Variants in SETD2 observed in about 807,000 individuals in gnomAD.
The protein encoded by SETD2 is SET domain containing 2, histone lysine methyltransferase.
In SETD2, 31 loss-of-function variants were observed where a neutral mutation model predicts 242.1. The ratio of observed to expected loss-of-function variants is 0.13; its 90% CI spans 0.10 to 0.17. The LOEUF is 0.17. Among genes scored for constraint, SETD2 ranks in the 10% least tolerant of loss-of-function variants. The pLI, the probability that SETD2 is intolerant of heterozygous loss-of-function variation, is 1.00. For synonymous variants in SETD2, 1,006 were observed against 1,066.5 expected (o/e 0.94, Z 1.11); for missense variants, 2,481 against 3,046.3 (o/e 0.81, Z 4.37).
intron 15 of SETD2, among the ~76,000 whole-genome samples, chr3:47,056,094 T>TTTTTTTTTA (rs1421586594): frequency 3.4e-5 from 4 of 116,422 alleles, no homozygotes; most frequent in East Asian, 2.8e-4. Context: ...AAAACATGAT[T>TTTTTTTTTA]TTTATTTATT....
chr3:47,153,362 A>AT (rs1489339552), intron 1 of SETD2, among the ~76,000 whole-genome samples: 1 of 152,224 alleles, frequency 6.6e-6, no homozygotes, highest in Non-Finnish European at 1.5e-5. Flanking sequence ...CAAATACTGT[A>AT]TAAGTCCAAC....
intron 11 of SETD2, 100 bp downstream of exon 11, chr3:47,086,095 T>C: frequency 3.1e-6 from 4 of 1,306,470 alleles, no homozygotes; most frequent in Middle Eastern, 1.9e-4. Flanking sequence ...ATACCAATGA[T>C]ACAGTGCTAA....
At chr3:47,131,075 C>T (rs188336883) in intron 1 of SETD2, among the ~76,000 whole-genome samples, 1 of 152,248 alleles carries the variant, frequency 6.6e-6, no homozygotes, top group Admixed American at 6.5e-5. Flanking sequence ...TTGGCCCTAT[C>T]AAGCGCATTA....
At chr3:47,046,673 AACAG>A in intron 15 of SETD2, 52 bp from the exon 16 acceptor site, 1 of 1,511,310 alleles carries the variant, frequency 6.6e-7, no homozygotes, top group Non-Finnish European at 9.0e-7. Context: ...CACTTTAATA[AACAG>A]ACTGACTTCC....
intron 1 of SETD2, among the ~76,000 whole-genome samples, chr3:47,146,638 A>AT (rs1559765228): frequency 1.3e-5 from 2 of 151,504 alleles, no homozygotes; most frequent in Non-Finnish European, 2.9e-5. Context: ...AAAAAAAAAA[A>AT]AAAATTCCTT....
intron 13 of SETD2, among the ~76,000 whole-genome samples, chr3:47,066,012 A>C (rs556627037): frequency 6.6e-6 from 1 of 152,242 alleles, no homozygotes; most frequent in Admixed American, 6.5e-5. Flanking sequence ...AACTGGATGA[A>C]AGTCCACTTA....
chr3:47,070,139 T>G (rs1476576079), intron 12 of SETD2, among the ~76,000 whole-genome samples: 2 of 152,194 alleles, frequency 1.3e-5, no homozygotes, highest in East Asian at 3.8e-4. Flanking sequence ...AGGCCTCAAG[T>G]TGGGGACCCA....
rs774445947 is a variant in SETD2 at position 47,016,447 on chromosome 3, AT to A, written c.*645del. ...ACACACATGCCAAGTTCTTTAATTG[AT>A]TTTATTTTTTTACATAAAAAGTTCA... On this transcript the variant is annotated 3_prime_UTR_variant, in exon 21 of 21. Coordinates refer to ENST00000409792, the MANE Select transcript of SETD2 (RefSeq NM_014159.7). 5.4e-4 allele frequency: 124 copies of A among 231,048 alleles called. 8 individuals are homozygous for A. The highest frequency in any genetic ancestry group is 4.5e-3 in the East Asian group (73 of 16,158). The allele number at this position is 231,048 out of a possible 1,614,324, so 14.3% of individuals were successfully genotyped here.
At position 47,057,091 on chromosome 3, in the gene SETD2, A is replaced by G; in HGVS notation, c.6693T>C (p.Ala2231=). 6.2e-7 allele frequency: 1 copy of G among 1,614,240 alleles called. No homozygotes were observed. Among genetic ancestry groups the G allele is most frequent in the South Asian group, 1.1e-5 (1 of 91,092 alleles). ...ACTGGGAACTGGAAACTTCCACAGG[A>G]GCTGCCACATGTGGCACCACTGGTA... The part of the protein sequence containing the change: ...PPVPVVPHVA[A]PVEVSSSQYV... The change falls in exon 15 of 21, where the codon GCT becomes GCC. Residue 2231 remains alanine (A), a synonymous_variant. Coordinates refer to ENST00000409792, the MANE Select transcript of SETD2 (RefSeq NM_014159.7).
At chr3:47,101,212 G>A (rs959147305) in intron 8 of SETD2, among the ~76,000 whole-genome samples, 4 of 151,858 alleles carry the variant, frequency 2.6e-5, no homozygotes, top group African/African-American at 9.7e-5. Context: ...AATTACATAA[G>A]AAATATAATT....
chr3:47,091,902 G>A (rs2041820582), intron 9 of SETD2, among the ~76,000 whole-genome samples: 1 of 152,078 alleles, frequency 6.6e-6, no homozygotes, highest in Non-Finnish European at 1.5e-5. Context: ...CTAAGATCAT[G>A]CCACAGCACT....
intron 1 of SETD2, among the ~76,000 whole-genome samples, chr3:47,150,711 G>A (rs1446551964): frequency 6.6e-6 from 1 of 151,980 alleles, no homozygotes; most frequent in Non-Finnish European, 1.5e-5. Flanking sequence ...GCTGGGCACG[G>A]TGTCTCACGC....
At chr3:47,103,820 C>T (rs944236499) in intron 6 of SETD2, among the ~76,000 whole-genome samples, 2 of 152,196 alleles carry the variant, frequency 1.3e-5, no homozygotes, top group African/African-American at 4.8e-5. Flanking sequence ...CACTTCAAAG[C>T]AACAAATACC....
At chr3:47,090,681 C>A (rs763243442) in intron 9 of SETD2, among the ~76,000 whole-genome samples, 1 of 152,088 alleles carries the variant, frequency 6.6e-6, no homozygotes, top group East Asian at 1.9e-4. Flanking sequence ...TGAGCCACTG[C>A]GCCCAGCCCA....
intron 12 of SETD2, among the ~76,000 whole-genome samples, chr3:47,068,654 G>A (rs1306385697): frequency 6.6e-6 from 1 of 151,940 alleles, no homozygotes; most frequent in Non-Finnish European, 1.5e-5. Context: ...ACACCACCAT[G>A]CCCAGCTAAT....
chr3:47,122,117 T>C lies in SETD2; in HGVS notation c.2519A>G (p.Asn840Ser), dbSNP rs570065365. ...ESKPVICDSR[N>S]LTDHSKFACE... The stretch of plus-strand genomic sequence containing the variant: ...TGCAAATTTTGAGTGATCTGTCAAA[T>C]TTCTACTATCACATATAACTGGTTT... Residue 840 changes from asparagine (N) to serine (S), a missense_variant, in exon 3 of 21, where the codon AAT becomes AGT. Asn to Ser is a conservative substitution (Grantham distance 46). Coordinates refer to ENST00000409792, the MANE Select transcript of SETD2 (RefSeq NM_014159.7). 6.8e-6 allele frequency: 11 copies of C among 1,613,998 alleles called. No individual in the cohort carries two copies. In the South Asian group the frequency reaches 8.8e-5, roughly 13 times the overall value.
intron 1 of SETD2, among the ~76,000 whole-genome samples, chr3:47,146,406 TCACCTGAGG>T (rs2043856268): frequency 1.3e-5 from 2 of 152,092 alleles, no homozygotes; most frequent in Admixed American, 1.3e-4. Flanking sequence ...GGCAGGCGGA[TCACCTGAGG>T]TCAGGAGTTC....
At chr3:47,116,303 G>A (rs2042851127) in intron 4 of SETD2, among the ~76,000 whole-genome samples, 1 of 152,016 alleles carries the variant, frequency 6.6e-6, no homozygotes, top group South Asian at 2.1e-4. Flanking sequence ...TATAGTGAAA[G>A]CTAAAAAATA....
At chr3:47,150,290 G>A (rs1312936820) in intron 1 of SETD2, among the ~76,000 whole-genome samples, 2 of 151,820 alleles carry the variant, frequency 1.3e-5, no homozygotes, top group Admixed American at 1.3e-4. Flanking sequence ...CGCCCGCCTC[G>A]GCCTCCCAAA....
Sources: allele counts gnomAD v4.1 joint callset (sites outside exome capture counted in the v4.1 genomes callset), GRCh38; gene constraint gnomAD v4.1.1; transcripts MANE v1.5; gene names NCBI Gene and HGNC (gene_info 2026-07-23, HGNC 2026-07-21).